Variants in APBA2 observed in about 807,000 individuals in gnomAD.
APBA2 encodes amyloid-beta A4 precursor protein-binding family A member 2.
In APBA2, 30 loss-of-function variants were observed where a neutral mutation model predicts 75.0. The ratio of observed to expected loss-of-function variants is 0.40; its 90% CI spans 0.30 to 0.54. APBA2 has a LOEUF of 0.54. Ranked by LOEUF, APBA2 falls within the 20% of genes least tolerant of loss-of-function variation. The probability of loss-of-function intolerance (pLI) is 0.49; values close to 1 mark genes in which losing one functional copy is unlikely to be tolerated. For missense variants in APBA2, 801 were observed against 1,016.1 expected (o/e 0.79, Z 2.88); for synonymous variants, 444 against 409.6 (o/e 1.08, Z -1.01).
At chr15:28,889,267 G>A (rs1242003007) in intron 1 of APBA2, among the ~76,000 whole-genome samples, 1 of 152,148 alleles carries the variant, frequency 6.6e-6, no homozygotes, top group Non-Finnish European at 1.5e-5. Flanking sequence ...AGGGAGCCCT[G>A]GGAGGTAGGT....
intron 4 of APBA2, among the ~76,000 whole-genome samples, chr15:29,055,512 C>T (rs1235652895): frequency 1.3e-5 from 2 of 152,062 alleles, no homozygotes; most frequent in African/African-American, 2.4e-5. Context: ...GAAAAGCCAC[C>T]TTCCAAAAAA....
chr15:28,899,294 A>G (rs1159334157), intron 1 of APBA2, among the ~76,000 whole-genome samples: 1 of 152,176 alleles, frequency 6.6e-6, no homozygotes, highest in African/African-American at 2.4e-5. Context: ...TCCCTGCCTC[A>G]TCTACCTGTG....
intron 1 of APBA2, among the ~76,000 whole-genome samples, chr15:28,894,267 C>T (rs942481493): frequency 6.6e-6 from 1 of 152,200 alleles, no homozygotes; most frequent in Admixed American, 6.5e-5. Context: ...ATCCACCCAT[C>T]TACTCAGTAG....
intron 2 of APBA2, among the ~76,000 whole-genome samples, chr15:28,994,475 G>A (rs1566884665): frequency 6.6e-6 from 1 of 152,140 alleles, no homozygotes; most frequent in African/African-American, 2.4e-5. Flanking sequence ...GAAAGAAATG[G>A]AACAACGGTG....
chr15:29,054,833 C>G lies in APBA2; in HGVS notation c.949C>G (p.Gln317Glu). ...PEERLKWPHE[Q>E]VCNGLEQPRK... ...AGAGAGGCTGAAGTGGCCCCACGAG[C>G]AGGTAGGACCCTGGCTGTCCTGGGG... The change falls in exon 4 of 15, where the codon CAG (glutamine) becomes GAG (glutamate). Residue 317 changes from glutamine (Q) to glutamate (E), a missense_variant and splice_region_variant. By Grantham distance (29) the Gln-to-Glu change is conservative (BLOSUM62 2). Around this residue, in one of 2 missense-constraint regions of APBA2, gnomAD observed 434 missense variants for 471.6 expected, o/e 0.92. Coordinates refer to ENST00000683413, the MANE Select transcript of APBA2 (RefSeq NM_001353788.2). The surrounding 1 kb of genome is among the most constrained non-coding windows in gnomAD (Gnocchi z 6.1). The G allele has an allele frequency of 6.3e-7, 1 of 1,597,492 alleles. No homozygotes were observed. Among genetic ancestry groups the G allele is most frequent in the Non-Finnish European group, 8.5e-7 (1 of 1,178,968 alleles).
At chr15:29,001,154 A>C (rs2038822927) in intron 3 of APBA2, among the ~76,000 whole-genome samples, 1 of 152,146 alleles carries the variant, frequency 6.6e-6, no homozygotes, top group Non-Finnish European at 1.5e-5. Context: ...TGCCTCATGT[A>C]CAGTGGATGC....
chr15:28,895,878 G>A (rs1450279298), intron 1 of APBA2, among the ~76,000 whole-genome samples: 1 of 152,170 alleles, frequency 6.6e-6, no homozygotes, highest in African/African-American at 2.4e-5. Context: ...TTGGGAAGCC[G>A]AGGAGGGAGG....
chr15:28,965,919 A>G lies in APBA2; in HGVS notation c.-94-29834A>G, dbSNP rs1190933357. 2.0e-5 allele frequency among the ~76,000 whole-genome samples: 3 copies of G among 152,150 alleles called. No homozygotes were observed. In the East Asian group the frequency reaches 5.8e-4, roughly 29 times the overall value. ...CGTGTTGTCATTTTAGTGCAGTTCT[A>G]TATAGTTTAAAATTTCCCTTGAGAT... On this transcript the variant is annotated intron_variant, in intron 2 of 14. Transcript: ENST00000683413.
At chr15:29,034,911 G>C (rs2040668963) in intron 3 of APBA2, among the ~76,000 whole-genome samples, 1 of 152,224 alleles carries the variant, frequency 6.6e-6, no homozygotes, top group Admixed American at 6.5e-5. Context: ...TCTGTGGTGG[G>C]TGTTTGAACT....
intron 3 of APBA2, among the ~76,000 whole-genome samples, chr15:29,035,781 C>A (rs2040717442): frequency 6.6e-6 from 1 of 152,304 alleles, no homozygotes; most frequent in African/African-American, 2.4e-5. Flanking sequence ...TCCCCCTGAC[C>A]TGCTGAGCCA....
At chr15:29,057,296 C>T (rs981614649) in intron 4 of APBA2, among the ~76,000 whole-genome samples, 1 of 152,200 alleles carries the variant, frequency 6.6e-6, no homozygotes, top group Non-Finnish European at 1.5e-5. Flanking sequence ...TGCCACATTC[C>T]AGCTGTGATG....
chr15:29,105,969 T>C (rs928781128), intron 11 of APBA2, among the ~76,000 whole-genome samples: 2 of 152,216 alleles, frequency 1.3e-5, no homozygotes, highest in Non-Finnish European at 2.9e-5. Context: ...TGGAAAGTTC[T>C]TATGGGCAGA....
At chr15:28,892,231 C>T (rs1169481429) in intron 1 of APBA2, among the ~76,000 whole-genome samples, 3 of 152,194 alleles carry the variant, frequency 2.0e-5, no homozygotes, top group South Asian at 2.1e-4. Flanking sequence ...CCTGCCACCA[C>T]GCCTGGTTAA....
chr15:29,039,734 A>G (rs2040938768), intron 3 of APBA2, among the ~76,000 whole-genome samples: 1 of 152,186 alleles, frequency 6.6e-6, no homozygotes, highest in South Asian at 2.1e-4. Context: ...TGATTAATCG[A>G]ATGAAGTAAA....
intron 2 of APBA2, among the ~76,000 whole-genome samples, chr15:28,946,323 CCCTTATAA>C (rs2035548131): frequency 6.6e-6 from 1 of 152,142 alleles, no homozygotes; most frequent in Admixed American, 6.5e-5. Context: ...ATCATGGTGA[CCCTTATAA>C]GAAGGAAGCT....
intron 3 of APBA2, among the ~76,000 whole-genome samples, chr15:29,051,589 A>G (rs8038568): frequency 1.3e-5 from 2 of 151,984 alleles, no homozygotes; most frequent in East Asian, 3.9e-4. Flanking sequence ...GGATGAAATA[A>G]TTATCTCCTT....
chr15:28,951,987 C>A (rs1251853110), intron 2 of APBA2, among the ~76,000 whole-genome samples: 1 of 146,388 alleles, frequency 6.8e-6, no homozygotes, highest in Non-Finnish European at 1.5e-5. Context: ...CTCATGGGTT[C>A]AAGGGATTCT....
At chr15:28,909,971 G>A (rs546011079) in intron 1 of APBA2, among the ~76,000 whole-genome samples, 27 of 152,216 alleles carry the variant, frequency 1.8e-4, no homozygotes, top group African/African-American at 6.3e-4. Flanking sequence ...CGGGGAGGTC[G>A]TGGCTTGCAA....
intron 3 of APBA2, among the ~76,000 whole-genome samples, chr15:29,038,873 TA>T (rs1332035928): frequency 1.3e-5 from 2 of 151,484 alleles, no homozygotes; most frequent in African/African-American, 4.9e-5. Context: ...AGGATTTCAC[TA>T]TGTTGGCCAG....
Sources: allele counts gnomAD v4.1 joint callset (sites outside exome capture counted in the v4.1 genomes callset), GRCh38; gene constraint gnomAD v4.1.1; regional missense constraint gnomAD v4.1.1; non-coding constraint Gnocchi (gnomAD v3.1); transcripts MANE v1.5; gene names NCBI Gene and HGNC (gene_info 2026-07-23, HGNC 2026-07-21).